KCNIP4: variants seen among roughly 807,000 people sequenced by gnomAD.
The protein encoded by KCNIP4 is Kv channel-interacting protein 4.
Under a neutral mutation model 34.0 loss-of-function variants are expected in KCNIP4, and 12 were observed. The observed-to-expected ratio is 0.35, with a 90% CI of 0.23 to 0.57. The LOEUF (loss-of-function observed/expected upper bound fraction) is 0.57, where lower values mean the gene tolerates loss of function less well. KCNIP4 is among the 20% of genes least tolerant of loss of function. The pLI, the probability that KCNIP4 is intolerant of heterozygous loss-of-function variation, is 0.83. For synonymous variants in KCNIP4, 124 were observed against 102.2 expected, an observed-to-expected ratio of 1.21 and a Z score of -1.29; for missense variants, 238 against 311.7, an observed-to-expected ratio of 0.76 and a Z score of 1.78.
intron 1 of KCNIP4, among the ~76,000 whole-genome samples, chr4:20,894,835 T>A (rs530930723): frequency 6.6e-6 from 1 of 152,196 alleles, no homozygotes; most frequent in Non-Finnish European, 1.5e-5. Context: ...TTGAACATGA[T>A]CTTGTTCTAA....
chr4:21,406,465 A>G (rs1724001822), intron 1 of KCNIP4, among the ~76,000 whole-genome samples: 1 of 152,194 alleles, frequency 6.6e-6, no homozygotes, highest in Non-Finnish European at 1.5e-5. Flanking sequence ...CACGGGCAAA[A>G]AGCAAATAGG....
At chr4:20,790,059 G>T (rs1377845112) in intron 3 of KCNIP4, among the ~76,000 whole-genome samples, 1 of 152,054 alleles carries the variant, frequency 6.6e-6, no homozygotes, top group Non-Finnish European at 1.5e-5. Context: ...AACCTAGATG[G>T]TACACCCTAG....
At chr4:20,836,252 C>T (rs1280459873) in intron 3 of KCNIP4, among the ~76,000 whole-genome samples, 1 of 152,166 alleles carries the variant, frequency 6.6e-6, no homozygotes, top group Non-Finnish European at 1.5e-5. Flanking sequence ...TCACATCAAC[C>T]TCCATCAGTT....
intron 3 of KCNIP4, among the ~76,000 whole-genome samples, chr4:20,817,687 T>C (rs1287252912): frequency 6.6e-6 from 1 of 151,698 alleles, no homozygotes; most frequent in Non-Finnish European, 1.5e-5. Context: ...TTTTTTTTTT[T>C]CTTTCCTGCC....
At chr4:20,834,455 T>C (rs1718802083) in intron 3 of KCNIP4, among the ~76,000 whole-genome samples, 1 of 152,138 alleles carries the variant, frequency 6.6e-6, no homozygotes, top group Non-Finnish European at 1.5e-5. Context: ...TTATTAGAGA[T>C]AATGATAAAT....
chr4:21,145,930 T>C (rs1004977836), intron 1 of KCNIP4, among the ~76,000 whole-genome samples: 2 of 152,236 alleles, frequency 1.3e-5, no homozygotes, highest in Non-Finnish European at 2.9e-5. Flanking sequence ...GCATATTAAT[T>C]ATAATTTATT....
intron 1 of KCNIP4, among the ~76,000 whole-genome samples, chr4:20,959,170 G>A (rs186325586): frequency 6.6e-6 from 1 of 152,232 alleles, no homozygotes; most frequent in Admixed American, 6.5e-5. Flanking sequence ...AGTAGCATAA[G>A]AGAGGATAGT....
chr4:21,146,738 T>G (rs1485795285), intron 1 of KCNIP4, among the ~76,000 whole-genome samples: 1 of 152,168 alleles, frequency 6.6e-6, no homozygotes, highest in Non-Finnish European at 1.5e-5. Context: ...TTCTGGAAAC[T>G]CATAAGATTT....
chr4:21,621,241 T>C (rs909348786), intron 1 of KCNIP4, among the ~76,000 whole-genome samples: 2 of 152,176 alleles, frequency 1.3e-5, no homozygotes, highest in African/African-American at 2.4e-5. Flanking sequence ...GTCAAGAGGA[T>C]TCAGTCTGCC....
At chr4:21,573,113 G>A (rs1306850715) in intron 1 of KCNIP4, among the ~76,000 whole-genome samples, 2 of 152,092 alleles carry the variant, frequency 1.3e-5, no homozygotes, top group Admixed American at 1.3e-4. Context: ...ACTGTTTAGT[G>A]GTAAACAGTG....
intron 3 of KCNIP4, among the ~76,000 whole-genome samples, chr4:20,812,255 G>T (rs1283087917): frequency 6.6e-6 from 1 of 152,142 alleles, no homozygotes; most frequent in African/African-American, 2.4e-5. Flanking sequence ...AAAAGGGAAA[G>T]AAAATCCAAA....
At chr4:21,478,118 A>T (rs950641370) in intron 1 of KCNIP4, among the ~76,000 whole-genome samples, 1 of 152,092 alleles carries the variant, frequency 6.6e-6, no homozygotes, top group African/African-American at 2.4e-5. Flanking sequence ...TTTTTTAAAA[A>T]ATCTTTACTT....
chr4:21,940,064 G>C (rs1730116921), intron 1 of KCNIP4, among the ~76,000 whole-genome samples: 1 of 152,122 alleles, frequency 6.6e-6, no homozygotes, highest in African/African-American at 2.4e-5. Context: ...TAGCTCACTT[G>C]AACTCTCCAA....
At chr4:21,827,158 C>T (rs1011687437) in intron 1 of KCNIP4, among the ~76,000 whole-genome samples, 2 of 151,894 alleles carry the variant, frequency 1.3e-5, no homozygotes, top group Admixed American at 6.6e-5. Flanking sequence ...ATTTTAAGAA[C>T]ACAAAATAAA....
chr4:21,403,158 G>A (rs1359876104), intron 1 of KCNIP4, among the ~76,000 whole-genome samples: 3 of 152,204 alleles, frequency 2.0e-5, no homozygotes, highest in Non-Finnish European at 2.9e-5. Context: ...TCTTGACAAA[G>A]CTTTCTGTCT....
At chr4:20,870,561 C>A (rs1462163080) in intron 2 of KCNIP4, among the ~76,000 whole-genome samples, 1 of 152,080 alleles carries the variant, frequency 6.6e-6, no homozygotes, top group Non-Finnish European at 1.5e-5. Context: ...TCTTTGTCCC[C>A]TAAATTGTAC....
At chr4:21,374,487 A>G (rs112941817) in intron 1 of KCNIP4, among the ~76,000 whole-genome samples, 13,246 of 147,106 alleles carry the variant, frequency 0.09, 1,208 homozygotes, top group Middle Eastern at 0.12. Flanking sequence ...TCCCTCCCAC[A>G]ATACATGGGA....
chr4:21,697,483 C>CAATAAT lies in KCNIP4; in HGVS notation c.61+251082_61+251087dup, dbSNP rs373715526. 1.1e-4 allele frequency: 166 copies of CAATAAT among 1,515,594 alleles called. 1 individual carries two copies. Among genetic ancestry groups the CAATAAT allele is most frequent in the African/African-American group, 4.4e-4 (30 of 68,086 alleles). The allele number at this position is 1,515,594 out of a possible 1,614,324, so 93.9% of individuals were successfully genotyped here. ...TCTGAGGAGAGCCAGAAGTCTTTGC[C>CAATAAT]AATAATAATAATAATAATAATAAAA... On this transcript the variant is annotated intron_variant, in intron 1 of 8. Transcript: ENST00000382152.
At chr4:20,963,981 C>A (rs1318437057) in intron 1 of KCNIP4, among the ~76,000 whole-genome samples, 1 of 152,094 alleles carries the variant, frequency 6.6e-6, no homozygotes, top group African/African-American at 2.4e-5. Context: ...TTTTTAAAAT[C>A]TATGTAAAGA....
Sources: allele counts gnomAD v4.1 joint callset (sites outside exome capture counted in the v4.1 genomes callset), GRCh38; gene constraint gnomAD v4.1.1; transcripts MANE v1.5; gene names NCBI Gene and HGNC (gene_info 2026-07-23, HGNC 2026-07-21).